TBC1D22B: variants seen among roughly 807,000 people sequenced by gnomAD.
TBC1D22B encodes TBC1 domain family member 22B, also known as chromosome 6 open reading frame 197.
A neutral mutation model predicts 69.1 loss-of-function variants in TBC1D22B; 32 were observed. The observed-to-expected ratio is 0.46, with a 90% CI of 0.35 to 0.62. The LOEUF is 0.62. Ranked by LOEUF, TBC1D22B falls within the 20% of genes least tolerant of loss-of-function variation. TBC1D22B has a pLI of 0.00. For missense variants in TBC1D22B, 462 were observed against 630.9 expected, an observed-to-expected ratio of 0.73 and a Z score of 2.87; for synonymous variants, 206 against 229.8, an observed-to-expected ratio of 0.90 and a Z score of 0.94.
In TBC1D22B at chr6:37,279,334, A is replaced by T; in HGVS notation, c.144A>T (p.Thr48=). 1 of 1,610,938 alleles carries T rather than the reference A, an allele frequency of 6.2e-7. No homozygotes were observed. Among genetic ancestry groups the T allele is most frequent in the Non-Finnish European group, 8.5e-7 (1 of 1,178,734 alleles). Residue 48 remains threonine (T), a synonymous_variant, in exon 3 of 13, where the codon ACA becomes ACT. Transcript: ENST00000373491. ...NFIKERSKVN[T]VPLKNKKASS... ...TTAAAGAACGATCAAAAGTCAACAC[A>T]GTTCCTCTGAAGAATAAGAAGGCCT...
chr6:37,310,073 A>G (rs1241255018), intron 8 of TBC1D22B, among the ~76,000 whole-genome samples: 2 of 146,796 alleles, frequency 1.4e-5, no homozygotes, highest in African/African-American at 2.5e-5. Context: ...ATGTATAATT[A>G]TATTTAAATA....
intron 7 of TBC1D22B, 86 bp downstream of exon 7, chr6:37,287,158 G>A: frequency 2.9e-6 from 3 of 1,030,020 alleles, no homozygotes; most frequent in Non-Finnish European, 4.3e-6. Context: ...AATCATAATA[G>A]TACCTTATGT....
rs189186360 is a variant in TBC1D22B, at chr6:37,269,885, G to A, written c.113+235G>A. Among the ~76,000 whole-genome samples, 131 of 152,252 alleles carry A rather than the reference G, an allele frequency of 8.6e-4. 2 individuals carry two copies. Among genetic ancestry groups the A allele is most frequent in the Non-Finnish European group, 8.8e-5 (6 of 68,010 alleles). Reference sequence around the variant, plus strand: ...TGGGAACTGGTATATGTAGGGTTTGGTATTGGATTCTTTGGTCAAAAGAGA... The same window carrying A: ...TGGGAACTGGTATATGTAGGGTTTGATATTGGATTCTTTGGTCAAAAGAGA... On this transcript the variant is annotated intron_variant, in intron 2 of 12. Coordinates refer to ENST00000373491, the MANE Select transcript of TBC1D22B (RefSeq NM_017772.4).
chr6:37,302,672 C>G lies in TBC1D22B; in HGVS notation c.983-10246C>G, dbSNP rs894233983. Reference sequence around the variant, plus strand: ...GTAGGATTTTCACCGTAGATTTTACCTGGAAGCATGACAGCAGTGGAACTC... The same window carrying G: ...GTAGGATTTTCACCGTAGATTTTACGTGGAAGCATGACAGCAGTGGAACTC... On this transcript the variant is annotated intron_variant, in intron 8 of 12. Transcript: ENST00000373491. Among the ~76,000 whole-genome samples, 18 of 152,296 alleles carry G rather than the reference C, an allele frequency of 1.2e-4. No individual in the cohort carries two copies. In the South Asian group the frequency reaches 3.7e-3, roughly 32 times the overall value.
rs1158134374 is a variant in TBC1D22B, at chr6:37,332,684, C to A, written c.*1512C>A. 1 of 152,682 alleles carries A rather than the reference C, an allele frequency of 6.5e-6. No individual in the cohort carries two copies. Among genetic ancestry groups the A allele is most frequent in the East Asian group, 1.9e-4 (1 of 5,186 alleles). The allele number at this position is 152,682 out of a possible 1,614,324, so 9.5% of individuals were successfully genotyped here. A position where few individuals can be genotyped will look rare whatever the true frequency, so the allele number is the denominator to read the frequency against. On this transcript the variant is annotated 3_prime_UTR_variant, in exon 13 of 13. Transcript: ENST00000373491. ...CAGTGTCCCTGGTGGGTAACACCCT[C>A]AAGTCTCTTTGCCAGTGAGGCCCCA...
chr6:37,280,971 A>G (rs1180652359), intron 3 of TBC1D22B, among the ~76,000 whole-genome samples: 1 of 152,164 alleles, frequency 6.6e-6, no homozygotes, highest in Non-Finnish European at 1.5e-5. Flanking sequence ...TCGTTACACT[A>G]GGCATCCCAG....
chr6:37,262,117 A>G (rs1583517682), intron 1 of TBC1D22B, among the ~76,000 whole-genome samples: 1 of 146,816 alleles, frequency 6.8e-6, no homozygotes, highest in Non-Finnish European at 1.5e-5. Context: ...TGCAGCCTCT[A>G]CCTCCCAGGA....
chr6:37,257,864 A>C lies in TBC1D22B; in HGVS notation c.-54A>C. On this transcript the variant is annotated 5_prime_UTR_variant, in exon 1 of 13. Transcript: ENST00000373491. ...CCCTCAGATTGCGGGGTCTGGGGGC[A>C]TCTCGCCGGGCAAACCCTTGGCCCG... 7.5e-6 allele frequency: 12 copies of C among 1,590,822 alleles called. No homozygotes were observed. Among genetic ancestry groups the C allele is most frequent in the Non-Finnish European group, 1.0e-5 (12 of 1,167,876 alleles).
intron 3 of TBC1D22B, among the ~76,000 whole-genome samples, chr6:37,280,984 A>G (rs1766809128): frequency 6.6e-6 from 1 of 152,230 alleles, no homozygotes; most frequent in Non-Finnish European, 1.5e-5. Flanking sequence ...CATCCCAGCC[A>G]ACTGCCTCGT....
chr6:37,319,613 A>G (rs1768180987), intron 12 of TBC1D22B, among the ~76,000 whole-genome samples: 1 of 152,214 alleles, frequency 6.6e-6, no homozygotes, highest in South Asian at 2.1e-4. Flanking sequence ...ATTGGAGGCT[A>G]TTGTCTGCTG....
At chr6:37,318,232 G>C (rs1164424667) in intron 12 of TBC1D22B, among the ~76,000 whole-genome samples, 2 of 152,198 alleles carry the variant, frequency 1.3e-5, no homozygotes, top group African/African-American at 4.8e-5. Context: ...GAAGTGGCCA[G>C]ATTTTGGATC....
chr6:37,298,819 A>G (rs1767474914), intron 8 of TBC1D22B, among the ~76,000 whole-genome samples: 1 of 152,012 alleles, frequency 6.6e-6, no homozygotes, highest in Non-Finnish European at 1.5e-5. Context: ...TGTTGGGATT[A>G]CAGGCGTGAG....
At chr6:37,283,966 T>G (rs1766926475) in intron 5 of TBC1D22B, among the ~76,000 whole-genome samples, 1 of 152,220 alleles carries the variant, frequency 6.6e-6, no homozygotes, top group South Asian at 2.1e-4. Flanking sequence ...TTCTCAGAAG[T>G]ATGGCCCTGG....
intron 12 of TBC1D22B, chr6:37,324,303 C>G (rs1562069448): frequency 4.4e-6 from 2 of 456,738 alleles, no homozygotes; most frequent in East Asian, 6.9e-5. Context: ...TAGTCACCAG[C>G]TGGGTCACAC....
At chr6:37,328,702 T>C (rs772832741) in intron 12 of TBC1D22B, among the ~76,000 whole-genome samples, 2 of 152,176 alleles carry the variant, frequency 1.3e-5, no homozygotes, top group African/African-American at 2.4e-5. Context: ...CGTGAAGTTA[T>C]GGGTAATTTA....
At chr6:37,325,182 C>T (rs1768355548) in intron 12 of TBC1D22B, among the ~76,000 whole-genome samples, 1 of 152,124 alleles carries the variant, frequency 6.6e-6, no homozygotes, top group Non-Finnish European at 1.5e-5. Flanking sequence ...CCACCCATCA[C>T]ATGTGGCTCA....
At chr6:37,297,772 A>G (rs1264265692) in intron 8 of TBC1D22B, among the ~76,000 whole-genome samples, 1 of 152,232 alleles carries the variant, frequency 6.6e-6, no homozygotes, top group Non-Finnish European at 1.5e-5. Flanking sequence ...ACTGTTCACA[A>G]TAGTAAAGAC....
chr6:37,317,886 G>A (rs372524569), intron 12 of TBC1D22B, among the ~76,000 whole-genome samples: 1 of 152,148 alleles, frequency 6.6e-6, no homozygotes, highest in East Asian at 1.9e-4. Context: ...AGCTATGGAA[G>A]GAATCATGAC....
rs775244136 is a variant in TBC1D22B, at chr6:37,331,046, T to A, written c.1392T>A (p.Gly464=). 6.2e-7 allele frequency: 1 copy of A among 1,613,904 alleles called. No homozygotes were observed. The highest frequency in any genetic ancestry group is 1.1e-5 in the South Asian group (1 of 91,058). The change falls in exon 13 of 13, where the codon GGT becomes GGA. Residue 464 remains glycine (G), a splice_region_variant and synonymous_variant. Coordinates refer to ENST00000373491, the MANE Select transcript of TBC1D22B (RefSeq NM_017772.4). ...AAAAGTCCTTTCTTGCATTCCAGGG[T>A]CTCCTCATGCTGCTACAGAACCTAC... is the stretch of plus-strand genomic sequence containing the variant. ...KEILDEEDFQ[G]LLMLLQNLPT...
Sources: gnomAD v4.1 joint callset for allele counts (sites outside exome capture counted in the v4.1 genomes callset) on GRCh38, gnomAD v4.1.1 for gene constraint, MANE v1.5 for transcripts, NCBI Gene and HGNC (gene_info 2026-07-23, HGNC 2026-07-21) for gene names.